The following CENPK variants were observed in gnomAD, a reference collection of about 807,000 sequenced individuals.
The protein encoded by CENPK is centromere protein K.
A neutral mutation model predicts 40.9 loss-of-function variants in CENPK; 46 were observed. The ratio of observed to expected loss-of-function variants is 1.13; its 90% CI spans 0.89 to 1.44. The LOEUF is 1.44. CENPK is among the 40% of genes most tolerant of loss of function. CENPK has a pLI of 0.00. For synonymous variants in CENPK, 107 were observed against 104.4 expected, an observed-to-expected ratio of 1.02 and a Z score of -0.15; for missense variants, 288 against 303.5, an observed-to-expected ratio of 0.95 and a Z score of 0.38.
chr5:65,535,742 A>T (rs1561650552), intron 6 of CENPK, among the ~76,000 whole-genome samples: 1 of 152,198 alleles, frequency 6.6e-6, no homozygotes, highest in African/African-American at 2.4e-5. Flanking sequence ...GCTGCAACCA[A>T]GAGAACAGCA....
At chr5:65,498,634 CTTTTTT>C in the CENPK span, among the ~76,000 whole-genome samples, 1 of 132,792 alleles carries the variant, frequency 7.5e-6, no homozygotes. Context: ...TTTCTTTTTT[CTTTTTT>C]TTTTTTTAGA....
At chr5:65,497,742 C>T in the CENPK span, among the ~76,000 whole-genome samples, 5 of 152,236 alleles carry the variant, frequency 3.3e-5, no homozygotes, top group Admixed American at 6.5e-5. Context: ...CAGTGGCTCA[C>T]GCCTGTAATT....
At chr5:65,536,653 G>GC (rs942095804) in intron 6 of CENPK, among the ~76,000 whole-genome samples, 16 of 54,132 alleles carry the variant, frequency 3.0e-4, no homozygotes, top group African/African-American at 6.8e-4. Flanking sequence ...TGTAGGGATT[G>GC]GGGGGGAGAA....
chr5:65,542,149 G>T (rs1448078774), intron 6 of CENPK, among the ~76,000 whole-genome samples: 1 of 152,198 alleles, frequency 6.6e-6, no homozygotes, highest in Non-Finnish European at 1.5e-5. Context: ...CTGGGGAATA[G>T]ATTTCAACGT....
At chr5:65,545,045 T>C (rs2150468890) in intron 5 of CENPK, among the ~76,000 whole-genome samples, 1 of 152,284 alleles carries the variant, frequency 6.6e-6, no homozygotes, top group South Asian at 2.1e-4. Context: ...TAAAAAATTT[T>C]CTTTAAACTA....
chr5:65,525,551 G>A (rs1744547816), intron 9 of CENPK, among the ~76,000 whole-genome samples: 1 of 152,126 alleles, frequency 6.6e-6, no homozygotes, highest in Non-Finnish European at 1.5e-5. Context: ...GATGGAGGGA[G>A]TTTTGTTGTT....
chr5:65,559,880 T>C (rs1751667875), intron 2 of CENPK, among the ~76,000 whole-genome samples: 1 of 151,896 alleles, frequency 6.6e-6, no homozygotes, highest in Non-Finnish European at 1.5e-5. Context: ...ATAATCCAAA[T>C]AGATATATAT....
the CENPK span, among the ~76,000 whole-genome samples, chr5:65,499,286 A>G: frequency 6.0e-5 from 9 of 149,728 alleles, no homozygotes; most frequent in East Asian, 1.8e-3. Context: ...GGGTAATTTT[A>G]CCAGATATAT....
intron 5 of CENPK, among the ~76,000 whole-genome samples, chr5:65,550,293 T>C (rs1749745360): frequency 6.6e-6 from 1 of 152,128 alleles, no homozygotes; most frequent in Non-Finnish European, 1.5e-5. Context: ...TGAAACTTAA[T>C]CATTTCTAGC....
At chr5:65,530,877 G>A (rs2150384689) in intron 6 of CENPK, among the ~76,000 whole-genome samples, 1 of 152,058 alleles carries the variant, frequency 6.6e-6, no homozygotes, top group South Asian at 2.1e-4. Flanking sequence ...ACCACTGCAT[G>A]CCAGCCTGGG....
At chr5:65,515,204 A>AATTT (rs35708852), downstream of CENPK, among the ~76,000 whole-genome samples, 21 of 124,056 alleles carry the variant, frequency 1.7e-4, 2 homozygotes, top group East Asian at 1.7e-3. Context: ...TCTCAAAAAA[A>AATTT]TTTTTTTTTT....
At chr5:65,498,054 A>G in the CENPK span, among the ~76,000 whole-genome samples, 5 of 152,284 alleles carry the variant, frequency 3.3e-5, no homozygotes, top group African/African-American at 1.2e-4. Flanking sequence ...TACTGTATGT[A>G]TAATTGGTAT....
At chr5:65,531,807 G>C (rs1745899925) in intron 6 of CENPK, among the ~76,000 whole-genome samples, 1 of 151,924 alleles carries the variant, frequency 6.6e-6, no homozygotes, top group African/African-American at 2.4e-5. Flanking sequence ...CGGCCTAAAA[G>C]CCTATTTTAA....
chr5:65,550,324 T>C (rs575953822), intron 5 of CENPK: 44 of 152,348 alleles, frequency 2.9e-4, no homozygotes, highest in African/African-American at 1.1e-3. Context: ...AAGTTATCGA[T>C]GTGCAACTCT....
intron 2 of CENPK, 130 bp from the exon 3 acceptor site, chr5:65,555,076 T>C: frequency 1.8e-6 from 1 of 543,402 alleles, no homozygotes; most frequent in East Asian, 3.2e-5. Flanking sequence ...GTGAACCTTA[T>C]TCTAAGTAAG....
In CENPK at chr5:65,563,115, C is replaced by T; in HGVS notation, c.-159G>A. 3 of 629,406 alleles carry T rather than the reference C, an allele frequency of 4.8e-6. No homozygotes were observed. Among genetic ancestry groups the T allele is most frequent in the South Asian group, 4.1e-5 (2 of 49,134 alleles). The allele number at this position is 629,406 out of a possible 1,614,324, so 39.0% of individuals were successfully genotyped here. On this transcript the variant is annotated 5_prime_UTR_variant, in exon 1 of 11. Coordinates refer to ENST00000396679, the MANE Select transcript of CENPK (RefSeq NM_022145.5). ...GGTCTTACCATCACAGCGTCACAAACTCCAGGTCGCCTAGGCGCTGCGCAG... is the reference window on the plus strand; with the variant it reads ...GGTCTTACCATCACAGCGTCACAAATTCCAGGTCGCCTAGGCGCTGCGCAG...
At chr5:65,525,196 T>TA (rs1417108927) in intron 9 of CENPK, among the ~76,000 whole-genome samples, 1 of 151,860 alleles carries the variant, frequency 6.6e-6, no homozygotes, top group African/African-American at 2.4e-5. Flanking sequence ...CCATCTCTAC[T>TA]AAAAAACAAA....
chr5:65,550,102 A>T (rs1247616566), intron 5 of CENPK, among the ~76,000 whole-genome samples: 1 of 149,906 alleles, frequency 6.7e-6, no homozygotes, highest in Non-Finnish European at 1.5e-5. Context: ...CAGGAGGCAG[A>T]GACTGCACTG....
At chr5:65,534,304 A>G (rs1305806771) in intron 6 of CENPK, among the ~76,000 whole-genome samples, 1 of 152,226 alleles carries the variant, frequency 6.6e-6, no homozygotes, top group African/African-American at 2.4e-5. Context: ...GCAATCTTCC[A>G]CAAATTAACC....
Sources: allele counts gnomAD v4.1 joint callset (sites outside exome capture counted in the v4.1 genomes callset), GRCh38; gene constraint gnomAD v4.1.1; transcripts MANE v1.5; gene names NCBI Gene and HGNC (gene_info 2026-07-23, HGNC 2026-07-21).